The following CCDC149 variants were observed in gnomAD, a reference collection of about 807,000 sequenced individuals.
CCDC149 encodes coiled-coil domain containing 149.
A neutral mutation model predicts 59.9 loss-of-function variants in CCDC149; 45 were observed. That is an observed-to-expected ratio of 0.75 (90% CI 0.59 to 0.96). The LOEUF (loss-of-function observed/expected upper bound fraction) is 0.96, where lower values mean the gene tolerates loss of function less well. Ranked by LOEUF, CCDC149 falls within the 40% of genes least tolerant of loss-of-function variation. CCDC149 has a pLI of 0.00. For missense variants in CCDC149, 584 were observed against 664.7 expected (o/e 0.88, Z 1.33); for synonymous variants, 245 against 260.6 (o/e 0.94, Z 0.58).
At chr4:24,895,007 G>A in intron 1 of CCDC149, 2 of 1,536,278 alleles carry the variant, frequency 1.3e-6, no homozygotes, top group Non-Finnish European at 1.7e-6. Flanking sequence ...AATCCCAAGT[G>A]GCCGCTCTGG....
intron 1 of CCDC149, among the ~76,000 whole-genome samples, chr4:24,878,649 A>T (rs1466725403): frequency 6.6e-6 from 1 of 152,240 alleles, no homozygotes; most frequent in African/African-American, 2.4e-5. Context: ...ACCCAAAGAC[A>T]GTCACCTTTA....
intron 1 of CCDC149, among the ~76,000 whole-genome samples, chr4:24,894,194 T>C (rs1477754080): frequency 6.6e-6 from 1 of 152,180 alleles, no homozygotes; most frequent in Non-Finnish European, 1.5e-5. Flanking sequence ...TTTTCCTTCA[T>C]ATAGGTTCCT....
chr4:24,828,547 G>A (rs544592292), intron 9 of CCDC149: 9 of 152,276 alleles, frequency 5.9e-5, no homozygotes, highest in South Asian at 2.1e-4. Context: ...GGAGGTCGAG[G>A]TGGGCGGATG....
intron 1 of CCDC149, among the ~76,000 whole-genome samples, chr4:24,893,805 A>G (rs1394364310): frequency 1.3e-5 from 2 of 151,208 alleles, no homozygotes; most frequent in East Asian, 3.9e-4. Context: ...TTTAGTAGAG[A>G]CAATTGGCCA....
chr4:24,876,530 A>G lies in CCDC149; in HGVS notation c.225+6T>C, dbSNP rs1450181473. The G allele has an allele frequency of 6.2e-7, 1 of 1,612,020 alleles. No individual in the cohort carries two copies. The highest frequency in any genetic ancestry group is 1.1e-5 in the South Asian group (1 of 90,846). On this transcript the variant is annotated splice_donor_region_variant and intron_variant, in intron 2 of 12. Coordinates refer to ENST00000635206, the MANE Select transcript of CCDC149 (RefSeq NM_001330643.2). The stretch of plus-strand genomic sequence containing the variant: ...AAGTCGCTGAACAGGGCAGCCTAAC[A>G]CTTACAATCAGCTCTCGGTACTTCT...
intron 6 of CCDC149, 84 bp from the exon 7 acceptor site, chr4:24,836,592 C>G: frequency 1.2e-6 from 1 of 845,894 alleles, no homozygotes; most frequent in Non-Finnish European, 2.0e-6. Flanking sequence ...AAAACAAAAA[C>G]CACTTGCCAG....
chr4:24,960,355 T>A (rs1423643657), intron 1 of CCDC149, among the ~76,000 whole-genome samples: 1 of 152,192 alleles, frequency 6.6e-6, no homozygotes, highest in African/African-American at 2.4e-5. Context: ...GAAAATATAA[T>A]TCTATTGAAA....
intron 1 of CCDC149, among the ~76,000 whole-genome samples, chr4:24,967,540 C>T (rs1723836367): frequency 6.6e-6 from 1 of 151,894 alleles, no homozygotes; most frequent in African/African-American, 2.4e-5. Flanking sequence ...CATTTTTCTC[C>T]ACAGACATCA....
rs543227096 is a variant in CCDC149 at position 24,901,979 on chromosome 4, C to T, written c.63+10838G>A. Among the ~76,000 whole-genome samples the T allele has an allele frequency of 4.6e-5, 7 of 152,332 alleles. No homozygotes were observed. In the East Asian group the frequency reaches 1.2e-3, roughly 25 times the overall value. ...TCAAACATCCAAGCATTCATATATTCTACACGTATTGAGCACCTGCAATGG... is the reference window on the plus strand; with the variant it reads ...TCAAACATCCAAGCATTCATATATTTTACACGTATTGAGCACCTGCAATGG... On this transcript the variant is annotated intron_variant, in intron 1 of 12. Coordinates refer to ENST00000635206, the MANE Select transcript of CCDC149 (RefSeq NM_001330643.2).
chr4:24,887,671 A>G (rs1720268399), intron 1 of CCDC149, among the ~76,000 whole-genome samples: 1 of 151,858 alleles, frequency 6.6e-6, no homozygotes, highest in African/African-American at 2.4e-5. Flanking sequence ...CCACCCCTCC[A>G]TGCCTGGAAC....
intron 1 of CCDC149, among the ~76,000 whole-genome samples, chr4:24,962,223 C>A (rs1187997205): frequency 2.0e-5 from 3 of 152,216 alleles, no homozygotes. Flanking sequence ...CTCATCATCA[C>A]TGGCCATCAG....
chr4:24,949,046 T>C (rs2109353318), intron 1 of CCDC149, among the ~76,000 whole-genome samples: 1 of 152,348 alleles, frequency 6.6e-6, no homozygotes, highest in Non-Finnish European at 1.5e-5. Context: ...CTCTGGTATG[T>C]CTTTATCAGC....
In CCDC149 at chr4:24,838,196, C is replaced by A; in HGVS notation, c.449G>T (p.Arg150Leu). The change falls in exon 5 of 13, where the codon CGT becomes CTT. Residue 150 changes from arginine (R) to leucine (L), a missense_variant. Physicochemically the swap from Arg to Leu is moderately radical, Grantham distance 102. Transcript: ENST00000635206. Reference sequence around the variant, plus strand: ...CTCTAGCTGCTGCACCAAGTCTTCACGCTCATGGGCTGCAAAGTGTCGCAC... The same window carrying A: ...CTCTAGCTGCTGCACCAAGTCTTCAAGCTCATGGGCTGCAAAGTGTCGCAC... The A allele has an allele frequency of 6.2e-7, 1 of 1,614,178 alleles. No individual in the cohort carries two copies. Among genetic ancestry groups the A allele is most frequent in the Non-Finnish European group, 8.5e-7 (1 of 1,180,020 alleles).
At chr4:24,848,597 C>A (rs1717462797) in intron 4 of CCDC149, among the ~76,000 whole-genome samples, 1 of 144,438 alleles carries the variant, frequency 6.9e-6, no homozygotes, top group Non-Finnish European at 1.5e-5. Flanking sequence ...TAAATAAATA[C>A]AATAAATAAT....
At chr4:24,876,180 G>A (rs957816264) in intron 2 of CCDC149, among the ~76,000 whole-genome samples, 4 of 151,920 alleles carry the variant, frequency 2.6e-5, no homozygotes, top group Non-Finnish European at 5.9e-5. Flanking sequence ...GTGGTTTCAG[G>A]CATCCACTGG....
At chr4:24,936,192 C>T (rs916880803) in intron 1 of CCDC149, among the ~76,000 whole-genome samples, 2 of 152,076 alleles carry the variant, frequency 1.3e-5, no homozygotes, top group East Asian at 3.9e-4. Flanking sequence ...CTTTCCAAGA[C>T]TTTCGCTTAA....
In CCDC149 at chr4:24,819,844, T is replaced by A; in HGVS notation, c.1192+15A>T. 1 of 1,533,528 alleles carries A rather than the reference T, an allele frequency of 6.5e-7. No homozygotes were observed. Among genetic ancestry groups the A allele is most frequent in the Non-Finnish European group, 8.8e-7 (1 of 1,130,488 alleles). 95.0% of individuals were successfully genotyped at this position (1,533,528 alleles called of 1,614,324 possible). A position where few individuals can be genotyped will look rare whatever the true frequency, so the allele number is the denominator to read the frequency against. ...CACAGTCCAGGTAAAGATGGAGAAA[T>A]CGAGGCGTGCTTACCATCCTTGGGA... On this transcript the variant is annotated intron_variant, in intron 12 of 12. Transcript: ENST00000635206.
chr4:24,860,707 A>C (rs1234300548), intron 3 of CCDC149, among the ~76,000 whole-genome samples: 1 of 152,176 alleles, frequency 6.6e-6, no homozygotes, highest in Non-Finnish European at 1.5e-5. Flanking sequence ...CCAACAAAGG[A>C]CTAATATCCA....
chr4:24,864,047 G>A (rs1354061988), intron 3 of CCDC149, among the ~76,000 whole-genome samples: 1 of 152,134 alleles, frequency 6.6e-6, no homozygotes, highest in East Asian at 1.9e-4. Flanking sequence ...CTTTTGTCTC[G>A]GTGCTGACTT....
Sources: allele counts gnomAD v4.1 joint callset (sites outside exome capture counted in the v4.1 genomes callset), GRCh38; gene constraint gnomAD v4.1.1; transcripts MANE v1.5; gene names NCBI Gene and HGNC (gene_info 2026-07-23, HGNC 2026-07-21).